PARVB: variants seen among roughly 807,000 people sequenced by gnomAD.
PARVB encodes the protein beta-parvin.
PARVB carries 46 observed loss-of-function variants against 47.0 expected under a neutral mutation model. That is an observed-to-expected ratio of 0.98 (90% CI 0.77 to 1.25). PARVB has a LOEUF of 1.25. PARVB is among the 50% of genes most tolerant of loss of function. The pLI, the probability that PARVB is intolerant of heterozygous loss-of-function variation, is 0.00. For missense variants in PARVB, 473 were observed against 471.6 expected, an observed-to-expected ratio of 1.00 and a Z score of -0.03; for synonymous variants, 196 against 196.3, an observed-to-expected ratio of 1.00 and a Z score of 0.01.
chr22:44,046,523 A>G (rs980991558), intron 1 of PARVB, among the ~76,000 whole-genome samples: 1 of 152,196 alleles, frequency 6.6e-6, no homozygotes, highest in African/African-American at 2.4e-5. Flanking sequence ...GGGGGCCTAC[A>G]GTTGGCTCTC....
chr22:44,114,804 A>T (rs1323326561), intron 3 of PARVB: 1 of 139,556 alleles, frequency 7.2e-6, no homozygotes, highest in Non-Finnish European at 1.5e-5. Flanking sequence ...AAGGCCCTGC[A>T]CCAACACAGA....
chr22:44,172,853 C>A lies in PARVB; in HGVS notation c.*4175C>A. On this transcript the variant is annotated 3_prime_UTR_variant, in exon 13 of 13. Transcript: ENST00000338758. The stretch of plus-strand genomic sequence containing the variant: ...GGAGCTCACTGCAACACCGGGCAAA[C>A]ACTTCTTCCGCCAGGGATGCGGTTA... 1 of 766,776 alleles carries A rather than the reference C, an allele frequency of 1.3e-6. No homozygotes were observed. 47.5% of individuals were successfully genotyped at this position (766,776 alleles called of 1,614,324 possible).
intron 3 of PARVB, chr22:44,109,012 C>A (rs115186748): frequency 6.6e-6 from 1 of 152,212 alleles, no homozygotes; most frequent in East Asian, 1.9e-4. Flanking sequence ...GCGTCTCCCC[C>A]CAAGAGCAGG....
At chr22:44,133,943 A>G (rs2053384774) in intron 6 of PARVB, among the ~76,000 whole-genome samples, 1 of 152,226 alleles carries the variant, frequency 6.6e-6, no homozygotes, top group South Asian at 2.1e-4. Context: ...CACTCAGCAT[A>G]GGCTGCCGAG....
chr22:44,126,759 C>A (rs575681620), intron 4 of PARVB, among the ~76,000 whole-genome samples: 1 of 152,182 alleles, frequency 6.6e-6, no homozygotes, highest in Non-Finnish European at 1.5e-5. Context: ...TGTTCACTTT[C>A]ATTTTTTATT....
chr22:44,125,452 G>T lies in PARVB; in HGVS notation c.377-6035G>T, dbSNP rs2053166351. Among the ~76,000 whole-genome samples the T allele has an allele frequency of 6.6e-6, 1 of 152,144 alleles. No individual in the cohort carries two copies. The highest frequency in any genetic ancestry group is 1.5e-5 in the Non-Finnish European group (1 of 68,016). On this transcript the variant is annotated intron_variant, in intron 4 of 12. Coordinates refer to ENST00000338758, the MANE Select transcript of PARVB (RefSeq NM_013327.5). The surrounding 1 kb of genome is among the most constrained non-coding windows in gnomAD (Gnocchi z 4.1). ...AAGTGCTAGGAGGAAAGTAATAGAA[G>T]GTTATGGGGTACAGTGGTGGGTGGG...
intron 1 of PARVB, among the ~76,000 whole-genome samples, chr22:44,061,138 AGCAAAGTTG>A (rs1394823079): frequency 2.0e-5 from 3 of 152,084 alleles, no homozygotes; most frequent in Admixed American, 1.3e-4. Context: ...CATTTTAAAC[AGCAAAGTTG>A]GCTGGGCACG....
exon 1 of PARVB, chr22:43,999,223 A>G (rs2050385947): frequency 9.0e-6 from 7 of 777,758 alleles, no homozygotes; most frequent in East Asian, 5.3e-5. Flanking sequence ...AAGGCCCTAC[A>G]CTTTGACGTC....
intron 1 of PARVB, among the ~76,000 whole-genome samples, chr22:44,052,898 G>A (rs2051237216): frequency 1.3e-5 from 2 of 152,144 alleles, no homozygotes; most frequent in African/African-American, 4.8e-5. Flanking sequence ...AACTGTGATT[G>A]TGCCACTGCA....
In PARVB at chr22:44,078,659, T is replaced by A. The variant is rs547662276; in HGVS notation, c.113-15269T>A. ...AGGTTCCTGGGACTTGATGTGAACA[T>A]CTTTGCAGGGACCATGATCCAGCCT... On this transcript the variant is annotated intron_variant, in intron 1 of 12. Transcript: ENST00000338758. 3.9e-5 allele frequency among the ~76,000 whole-genome samples: 6 copies of A among 152,298 alleles called. No individual in the cohort carries two copies. In the South Asian group the frequency reaches 1.0e-3, roughly 26 times the overall value.
At position 44,131,613 on chromosome 22, in the gene PARVB, G is replaced by T. The variant is rs550575928; in HGVS notation, c.503G>T (p.Arg168Leu). The change falls in exon 5 of 13, where the codon CGG (arginine) becomes CTG (leucine). Residue 168 changes from arginine to leucine, a missense_variant. Physicochemically the swap from Arg to Leu is moderately radical, Grantham distance 102. Transcript: ENST00000338758. ...DLLRPRGWAL[R>L]WSVDSIHGKN... is the part of the protein sequence containing the mutation. ...CTGCGGCCCCGAGGCTGGGCGCTCC[G>T]GTGGAGCGTGGACTGTGAGTTCCAC... 4.3e-6 allele frequency: 7 copies of T among 1,613,262 alleles called. No individual in the cohort carries two copies. Among genetic ancestry groups the T allele is most frequent in the Non-Finnish European group, 2.5e-6 (3 of 1,179,740 alleles).
intron 5 of PARVB, among the ~76,000 whole-genome samples, 164 bp downstream of exon 5, chr22:44,131,791 G>C (rs1294689382): frequency 1.3e-5 from 2 of 152,194 alleles, no homozygotes; most frequent in Non-Finnish European, 2.9e-5. Flanking sequence ...TTGCAGGGGA[G>C]AAGAACAGGA....
intron 3 of PARVB, chr22:44,106,925 C>T (rs1419245198): frequency 2.0e-5 from 3 of 152,122 alleles, no homozygotes; most frequent in Non-Finnish European, 2.9e-5. Context: ...GGGTGAAGGT[C>T]GGCTCTAGGG....
At chr22:44,055,553 T>G (rs1266726786) in intron 1 of PARVB, among the ~76,000 whole-genome samples, 1 of 152,046 alleles carries the variant, frequency 6.6e-6, no homozygotes, top group East Asian at 1.9e-4. Context: ...CAGGATGATC[T>G]CGATCTCCTG....
chr22:44,056,190 G>T (rs2051308009), intron 1 of PARVB, among the ~76,000 whole-genome samples: 1 of 152,194 alleles, frequency 6.6e-6, no homozygotes, highest in Non-Finnish European at 1.5e-5. Context: ...CCTAGCTTTG[G>T]GGCACAGCCC....
At chr22:44,021,182 C>G (rs1189705090), upstream of PARVB, among the ~76,000 whole-genome samples, 1 of 152,162 alleles carries the variant, frequency 6.6e-6, no homozygotes, top group Admixed American at 6.6e-5. Context: ...GACTCAACAC[C>G]ATCAGTCAGA....
chr22:44,025,970 G>T (rs964882453), intron 1 of PARVB, among the ~76,000 whole-genome samples: 3 of 152,182 alleles, frequency 2.0e-5, no homozygotes, highest in Admixed American at 6.5e-5. Flanking sequence ...CTGTGATGAC[G>T]TGCCCCGGAG....
intron 3 of PARVB, chr22:44,108,027 C>G (rs1326377499): frequency 6.6e-6 from 1 of 152,234 alleles, no homozygotes; most frequent in Non-Finnish European, 1.5e-5. Flanking sequence ...GCGCCCGCCA[C>G]TACGCCCAGC....
At chr22:44,132,824 C>T in intron 5 of PARVB, 70 bp from the exon 6 acceptor site, 1 of 976,994 alleles carries the variant, frequency 1.0e-6, no homozygotes, top group South Asian at 1.4e-5. Context: ...TCTCTGTTGC[C>T]TTCTGCACGT....
Sources: gnomAD v4.1 joint callset for allele counts (sites outside exome capture counted in the v4.1 genomes callset) on GRCh38, gnomAD v4.1.1 for gene constraint, Gnocchi (gnomAD v3.1) non-coding constraint, MANE v1.5 for transcripts, NCBI Gene and HGNC (gene_info 2026-07-23, HGNC 2026-07-21) for gene names.